RBMS3: variants seen among roughly 807,000 people sequenced by gnomAD.
RBMS3 encodes RNA-binding motif, single-stranded-interacting protein 3.
In RBMS3, 27 loss-of-function variants were observed where a neutral mutation model predicts 66.8. The ratio of observed to expected loss-of-function variants is 0.40; its 90% CI spans 0.30 to 0.56. The LOEUF is 0.56. Ranked by LOEUF, RBMS3 falls within the 20% of genes least tolerant of loss-of-function variation. RBMS3 has a pLI of 0.40. For missense variants in RBMS3, 513 were observed against 549.5 expected (o/e 0.93, Z 0.66); for synonymous variants, 188 against 183.0 (o/e 1.03, Z -0.22).
chr3:29,452,195 A>G (rs1345952896), intron 2 of RBMS3, among the ~76,000 whole-genome samples: 2 of 152,154 alleles, frequency 1.3e-5, no homozygotes, highest in East Asian at 3.9e-4. Flanking sequence ...TCAATAGGAA[A>G]TGTCCCTCCC....
chr3:29,844,334 G>C (rs1387901530), intron 6 of RBMS3, among the ~76,000 whole-genome samples: 1 of 152,156 alleles, frequency 6.6e-6, no homozygotes, highest in African/African-American at 2.4e-5. Flanking sequence ...AAGAGCAGTG[G>C]AGAGTTACAA....
At position 29,579,106 on chromosome 3, in the gene RBMS3, A is replaced by G. The variant is rs547970738; in HGVS notation, c.308-8008A>G. On this transcript the variant is annotated intron_variant, in intron 3 of 14. Coordinates refer to ENST00000383767, the MANE Select transcript of RBMS3 (RefSeq NM_001003793.3). ...GTGAGCCACCGCGCCCGGCCAATACATGCTTCCTAAAGGGGTTACCCCATA... is the reference window on the plus strand; with the variant it reads ...GTGAGCCACCGCGCCCGGCCAATACGTGCTTCCTAAAGGGGTTACCCCATA... Among the ~76,000 whole-genome samples the G allele has an allele frequency of 2.4e-4, 36 of 152,056 alleles. 1 individual carries two copies. Among genetic ancestry groups the G allele is most frequent in the Non-Finnish European group, 2.9e-4 (20 of 68,020 alleles).
At chr3:29,697,085 G>C in intron 4 of RBMS3, 1 of 985,210 alleles carries the variant, frequency 1.0e-6, no homozygotes, top group South Asian at 4.7e-5. Context: ...TGCTCAGCAT[G>C]GTAAGGACAA....
At chr3:29,472,131 C>T (rs1205392863) in intron 2 of RBMS3, among the ~76,000 whole-genome samples, 1 of 151,794 alleles carries the variant, frequency 6.6e-6, no homozygotes, top group East Asian at 1.9e-4. Flanking sequence ...ATCCAAGTAA[C>T]CACCAGCCAA....
At chr3:29,703,665 A>G (rs1207805464) in intron 4 of RBMS3, among the ~76,000 whole-genome samples, 2 of 152,174 alleles carry the variant, frequency 1.3e-5, no homozygotes, top group African/African-American at 4.8e-5. Flanking sequence ...GTAGGTGCAA[A>G]CTCACCTGAT....
intron 1 of RBMS3, among the ~76,000 whole-genome samples, chr3:29,282,948 T>G (rs1384398877): frequency 6.6e-6 from 1 of 152,180 alleles, no homozygotes; most frequent in African/African-American, 2.4e-5. Context: ...TTTCAATTGC[T>G]TTGTAATCCA....
At chr3:29,798,353 G>C (rs11715137) in intron 6 of RBMS3, among the ~76,000 whole-genome samples, 3,109 of 103,686 alleles carry the variant, frequency 0.03, 89 homozygotes, top group Admixed American at 0.046. Context: ...GGGGAGGAGA[G>C]GGGAGGGGAG....
At chr3:29,303,615 T>C (rs771593222) in intron 1 of RBMS3, among the ~76,000 whole-genome samples, 16 of 152,020 alleles carry the variant, frequency 1.1e-4, no homozygotes, top group Non-Finnish European at 1.6e-4. Flanking sequence ...TTGAGAGGAA[T>C]ACATTATTAA....
intron 14 of RBMS3, among the ~76,000 whole-genome samples, chr3:29,997,979 G>A (rs929272241): frequency 1.3e-5 from 2 of 152,296 alleles, no homozygotes; most frequent in African/African-American, 4.8e-5. Context: ...AAGTCAAATT[G>A]TCCCTGTTTG....
intron 3 of RBMS3, among the ~76,000 whole-genome samples, chr3:29,534,913 T>C (rs1482705136): frequency 2.0e-5 from 3 of 151,892 alleles, no homozygotes; most frequent in Non-Finnish European, 2.9e-5. Flanking sequence ...ATGGAGTAAT[T>C]TGAAGAAAAT....
At chr3:29,784,663 A>G (rs142625610) in intron 6 of RBMS3, among the ~76,000 whole-genome samples, 114 of 152,278 alleles carry the variant, frequency 7.5e-4, no homozygotes, top group African/African-American at 2.6e-3. Context: ...CACGCCCAAC[A>G]GAAGAAAATA....
intron 6 of RBMS3, among the ~76,000 whole-genome samples, chr3:29,846,352 T>G (rs919242265): frequency 2.2e-4 from 33 of 151,852 alleles, no homozygotes; most frequent in Admixed American, 1.4e-3. Flanking sequence ...TAGGTAAGAG[T>G]TTAGAGCTGA....
At chr3:29,970,636 C>G (rs896506190) in intron 12 of RBMS3, among the ~76,000 whole-genome samples, 1 of 152,116 alleles carries the variant, frequency 6.6e-6, no homozygotes, top group African/African-American at 2.4e-5. Context: ...AGATGATTGT[C>G]TAAAATCCTC....
chr3:29,446,768 T>C (rs964052081), intron 2 of RBMS3, among the ~76,000 whole-genome samples: 1 of 152,194 alleles, frequency 6.6e-6, no homozygotes, highest in Non-Finnish European at 1.5e-5. Flanking sequence ...ATCAGTGATA[T>C]TCTGATATCA....
At chr3:29,430,319 A>G (rs2041131764) in intron 1 of RBMS3, among the ~76,000 whole-genome samples, 2 of 152,152 alleles carry the variant, frequency 1.3e-5, no homozygotes, top group South Asian at 2.1e-4. Context: ...TTTCAGCAGA[A>G]TTTCTAGAAT....
intron 1 of RBMS3, among the ~76,000 whole-genome samples, chr3:29,411,040 GT>G (rs1559557836): frequency 2.0e-5 from 3 of 151,562 alleles, no homozygotes. Context: ...TTTTCTGGTG[GT>G]TTTTTGAGTA....
chr3:29,966,728 G>A (rs931955236), intron 12 of RBMS3, among the ~76,000 whole-genome samples: 8 of 152,190 alleles, frequency 5.3e-5, no homozygotes, highest in African/African-American at 1.7e-4. Flanking sequence ...CCAGTACTAT[G>A]TTAAAGAGGA....
chr3:29,563,529 A>T (rs1320698954), intron 3 of RBMS3, among the ~76,000 whole-genome samples: 1 of 152,178 alleles, frequency 6.6e-6, no homozygotes, highest in African/African-American at 2.4e-5. Flanking sequence ...TTTGATCTTT[A>T]TCATCAAAAA....
At chr3:29,599,132 G>A (rs894803926) in intron 4 of RBMS3, among the ~76,000 whole-genome samples, 1 of 150,050 alleles carries the variant, frequency 6.7e-6, no homozygotes, top group Non-Finnish European at 1.5e-5. Context: ...AACATGGCAA[G>A]CATGGTGGGC....
Sources: allele counts gnomAD v4.1 joint callset (sites outside exome capture counted in the v4.1 genomes callset), GRCh38; gene constraint gnomAD v4.1.1; transcripts MANE v1.5; gene names NCBI Gene and HGNC (gene_info 2026-07-23, HGNC 2026-07-21).